TLL2: variants seen among roughly 807,000 people sequenced by gnomAD.
The protein encoded by TLL2 is tolloid like 2, also known as tolloid-like protein 2.
TLL2 carries 106 observed loss-of-function variants against 123.0 expected under a neutral mutation model. The ratio of observed to expected loss-of-function variants is 0.86; its 90% CI spans 0.74 to 1.01. TLL2 has a LOEUF of 1.01. Among genes scored for constraint, TLL2 ranks in the 50% least tolerant of loss-of-function variants. The probability of loss-of-function intolerance (pLI) is 0.00; values close to 1 mark genes in which losing one functional copy is unlikely to be tolerated. For missense variants in TLL2, 1,332 were observed against 1,336.7 expected (o/e 1.00, Z 0.06); for synonymous variants, 494 against 516.8 (o/e 0.96, Z 0.60).
In TLL2 at chr10:96,422,658, C is replaced by T. The variant is rs1415687718; in HGVS notation, c.708G>A (p.Lys236=). 5 of 1,614,106 alleles carry T rather than the reference C, an allele frequency of 3.1e-6. No individual in the cohort carries two copies. In the Admixed American group the frequency reaches 6.7e-5, roughly 22 times the overall value. ...CCAGCTCGTGAGCCACAATGCCAAA[C>T]TTGTCACAGTTCTTCCCAATGGATA... The part of the protein sequence containing the change: ...QAISIGKNCD[K]FGIVAHELGH... The change falls in exon 6 of 21, where the codon AAG becomes AAA. Residue 236 remains lysine (K), a synonymous_variant. Coordinates refer to ENST00000357947, the MANE Select transcript of TLL2 (RefSeq NM_012465.4).
chr10:96,414,515 A>G (rs1846535576), intron 7 of TLL2, among the ~76,000 whole-genome samples: 1 of 151,820 alleles, frequency 6.6e-6, no homozygotes, highest in African/African-American at 2.4e-5. Context: ...GACAAGAACC[A>G]CTTCTGCTTC....
chr10:96,470,361 G>A (rs1847167282), intron 2 of TLL2, among the ~76,000 whole-genome samples: 1 of 152,214 alleles, frequency 6.6e-6, no homozygotes, highest in African/African-American at 2.4e-5. Flanking sequence ...GAGCCTCCTG[G>A]CTCCATCCAC....
intron 5 of TLL2, among the ~76,000 whole-genome samples, chr10:96,426,005 T>C (rs938190683): frequency 2.0e-5 from 3 of 152,126 alleles, no homozygotes; most frequent in Admixed American, 6.5e-5. Flanking sequence ...TTTATATAAA[T>C]GTATATTTAT....
intron 12 of TLL2, 51 bp downstream of exon 12, chr10:96,395,824 G>T: frequency 6.2e-7 from 1 of 1,606,318 alleles, no homozygotes; most frequent in Non-Finnish European, 8.5e-7. Context: ...AGTGGAGGAT[G>T]TCTAGCAAAA....
chr10:96,397,664 T>C (rs1295889939), intron 10 of TLL2, among the ~76,000 whole-genome samples: 10 of 152,226 alleles, frequency 6.6e-5, no homozygotes. Context: ...TGTTTCCTGT[T>C]GCATGTATAC....
chr10:96,504,228 T>C (rs527973065), intron 1 of TLL2, among the ~76,000 whole-genome samples: 2 of 152,280 alleles, frequency 1.3e-5, no homozygotes, highest in African/African-American at 4.8e-5. Flanking sequence ...AGACATCTGG[T>C]TGGCTTGCAG....
Position 96,500,128 on chromosome 10 carries a change from A to C in TLL2, c.175+13383T>G, listed in dbSNP as rs12768923. 6.8e-4 allele frequency among the ~76,000 whole-genome samples: 85 copies of C among 125,352 alleles called. 1 individual carries two copies. In the South Asian group the frequency reaches 0.022, roughly 32 times the overall value. The allele number at this position is 125,352 out of a possible 152,430, so 82.2% of individuals were successfully genotyped here. A position where few individuals can be genotyped will look rare whatever the true frequency, so the allele number is the denominator to read the frequency against. ...TAAAAAAAAAAAAAAAAAGAAAAAG[A>C]AAAAAAAATCTCTACCAAAAAAAAA... is the stretch of plus-strand genomic sequence containing the variant. On this transcript the variant is annotated intron_variant, in intron 1 of 20. Coordinates refer to ENST00000357947, the MANE Select transcript of TLL2 (RefSeq NM_012465.4).
chr10:96,422,713 A>G lies in TLL2; in HGVS notation c.653T>C (p.Val218Ala), dbSNP rs1194316787. ...CTGTGGGCCTCCTCCTCGGCGCCCA[A>G]CATAGGAGCAACAGCTGGACAATTG... ...SYRTCGCCSYVGRRGGGPQAI... is the reference protein window; with the variant it reads ...SYRTCGCCSYAGRRGGGPQAI... The change falls in exon 6 of 21, where the codon GTT becomes GCT. Residue 218 changes from valine (V) to alanine (A), a missense_variant. Val to Ala is a moderately conservative substitution (Grantham distance 64). Transcript: ENST00000357947. The G allele has an allele frequency of 1.2e-6, 2 of 1,614,218 alleles. No homozygotes were observed. Among genetic ancestry groups the G allele is most frequent in the East Asian group, 2.2e-5 (1 of 44,894 alleles).
intron 1 of TLL2, among the ~76,000 whole-genome samples, chr10:96,508,214 T>C (rs145575852): frequency 5.2e-4 from 79 of 152,280 alleles, no homozygotes; most frequent in African/African-American, 1.8e-3. Context: ...GTCTCTACAA[T>C]CTTCCCAATG....
intron 2 of TLL2, among the ~76,000 whole-genome samples, chr10:96,454,854 C>A (rs1248024249): frequency 6.6e-6 from 1 of 152,110 alleles, no homozygotes; most frequent in African/African-American, 2.4e-5. Context: ...TAGATTGAAA[C>A]AATAAGCCAT....
At chr10:96,460,301 C>T (rs1847068356) in intron 2 of TLL2, among the ~76,000 whole-genome samples, 1 of 152,144 alleles carries the variant, frequency 6.6e-6, no homozygotes, top group Non-Finnish European at 1.5e-5. Context: ...TTAGTAGATG[C>T]TATATATAGA....
chr10:96,440,829 G>C (rs1207335588), intron 3 of TLL2, among the ~76,000 whole-genome samples: 1 of 152,200 alleles, frequency 6.6e-6, no homozygotes, highest in Non-Finnish European at 1.5e-5. Context: ...GGAAGCATTT[G>C]CCGATTAAAA....
At chr10:96,369,932 G>T in intron 20 of TLL2, 133 bp downstream of exon 20, 1 of 1,295,782 alleles carries the variant, frequency 7.7e-7, no homozygotes, top group Non-Finnish European at 1.0e-6. Flanking sequence ...CTCCGCTTCT[G>T]CAGAACGTGC....
At chr10:96,465,155 C>T (rs750758144) in intron 2 of TLL2, among the ~76,000 whole-genome samples, 24 of 152,306 alleles carry the variant, frequency 1.6e-4, no homozygotes, top group South Asian at 1.5e-3. Context: ...CTGTCCTTGA[C>T]CTTTGCGGGA....
chr10:96,384,724 G>A lies in TLL2; in HGVS notation c.2057C>T (p.Pro686Leu). ...DFVEVRSGLS[P>L]DAKLHGRFCG... ...GAACCTGCCGTGCAGCTTGGCGTCGGGGGACAGGCCGCTGCGCACCTCTAC... is the reference window on the plus strand; with the variant it reads ...GAACCTGCCGTGCAGCTTGGCGTCGAGGGACAGGCCGCTGCGCACCTCTAC... Residue 686 changes from proline to leucine, a missense_variant, in exon 16 of 21, where the codon CCC (proline) becomes CTC (leucine). Physicochemically the swap from Pro to Leu is moderately conservative, Grantham distance 98. Transcript: ENST00000357947. The A allele has an allele frequency of 6.2e-7, 1 of 1,610,826 alleles. No individual in the cohort carries two copies. The highest frequency in any genetic ancestry group is 1.1e-5 in the South Asian group (1 of 90,594).
chr10:96,446,589 G>A (rs1386655496), intron 2 of TLL2, among the ~76,000 whole-genome samples: 1 of 152,148 alleles, frequency 6.6e-6, no homozygotes. Context: ...GCCCAGTGCT[G>A]CCGAATACTC....
intron 9 of TLL2, among the ~76,000 whole-genome samples, chr10:96,407,724 T>C (rs1846464326): frequency 6.6e-6 from 1 of 152,158 alleles, no homozygotes; most frequent in Admixed American, 6.5e-5. Flanking sequence ...TCAGGACAAA[T>C]CACATCTTCC....
chr10:96,496,430 C>T (rs1847475830), intron 1 of TLL2, among the ~76,000 whole-genome samples: 1 of 152,038 alleles, frequency 6.6e-6, no homozygotes, highest in African/African-American at 2.4e-5. Flanking sequence ...AGGAGAGCGC[C>T]CTACACAGCT....
Position 96,387,098 on chromosome 10 carries a change from AC to A in TLL2, c.1727-21del, listed in dbSNP as rs1450920396. On this transcript the variant is annotated intron_variant, in intron 13 of 20. Transcript: ENST00000357947. ...CCACCTCTGGTGGGGAAGGAAGGTG[AC>A]CCCGGTTACATTGTCAGGAAGCCTC... 6.2e-7 allele frequency: 1 copy of A among 1,608,174 alleles called. No individual in the cohort carries two copies. Among genetic ancestry groups the A allele is most frequent in the Non-Finnish European group, 8.5e-7 (1 of 1,175,610 alleles).
Sources: allele counts gnomAD v4.1 joint callset (sites outside exome capture counted in the v4.1 genomes callset), GRCh38; gene constraint gnomAD v4.1.1; transcripts MANE v1.5; gene names NCBI Gene and HGNC (gene_info 2026-07-23, HGNC 2026-07-21).